UBE3A: variants seen among roughly 807,000 people sequenced by gnomAD.
UBE3A encodes ubiquitin-protein ligase E3A.
A neutral mutation model predicts 83.4 loss-of-function variants in UBE3A; 6 were observed. That is an observed-to-expected ratio of 0.07 (90% confidence interval 0.04 to 0.14). The LOEUF is 0.14. Among genes scored for constraint, UBE3A ranks in the 10% least tolerant of loss-of-function variants. The probability of loss-of-function intolerance (pLI) is 1.00; values close to 1 mark genes in which losing one functional copy is unlikely to be tolerated. For missense variants in UBE3A, 456 were observed against 1,036.1 expected (o/e 0.44, Z 7.69); for synonymous variants, 337 against 355.4 (o/e 0.95, Z 0.58).
intron 1 of UBE3A, among the ~76,000 whole-genome samples, chr15:25,420,190 TAAGA>T (rs1889073274): frequency 6.6e-6 from 1 of 151,988 alleles, no homozygotes; most frequent in African/African-American, 2.4e-5. Context: ...AAATTAATCA[TAAGA>T]AAGGAATGGA....
At chr15:25,406,696 A>T (rs1226504914) in intron 3 of UBE3A, among the ~76,000 whole-genome samples, 2 of 149,794 alleles carry the variant, frequency 1.3e-5, no homozygotes, top group African/African-American at 5.0e-5. Context: ...AGTCACACAC[A>T]CACACACACA....
In UBE3A at chr15:25,371,220, T is replaced by C. The variant is rs1437372349; in HGVS notation, c.954A>G (p.Gln318=). 2.5e-6 allele frequency: 4 copies of C among 1,614,166 alleles called. No homozygotes were observed. The highest frequency in any genetic ancestry group is 3.4e-6 in the Non-Finnish European group (4 of 1,180,018). The change falls in exon 6 of 13, where the codon CAA becomes CAG. Residue 318 remains glutamine (Q), a synonymous_variant. Transcript: ENST00000648336. The surrounding 1 kb of genome is among the most constrained non-coding windows in gnomAD (Gnocchi z 5.3). Reference sequence around the variant, plus strand: ...TAGACCACAGTCTGATCAGTTTTCCTTGGGCTGCAAGGGGTAGCTTGCTCA... The same window carrying C: ...TAGACCACAGTCTGATCAGTTTTCCCTGGGCTGCAAGGGGTAGCTTGCTCA... ...KAMSKLPLAA[Q]GKLIRLWSKY...
At position 25,355,108 on chromosome 15, in the gene UBE3A, TA is replaced by T. The variant is rs560625994; in HGVS notation, c.2125-426del. On this transcript the variant is annotated intron_variant, in intron 9 of 12. Transcript: ENST00000648336. Reference sequence around the variant, plus strand: ...CTTTAGGTTCTCTCAACTAGGTATGTAAACAGACACATTTAAACCATGTATC... The same window carrying T: ...CTTTAGGTTCTCTCAACTAGGTATGTAACAGACACATTTAAACCATGTATC... Among the ~76,000 whole-genome samples, 150 of 152,302 alleles carry T rather than the reference TA, an allele frequency of 9.8e-4. 1 individual carries two copies. Among genetic ancestry groups the T allele is most frequent in the African/African-American group, 3.4e-3 (143 of 41,590 alleles).
At chr15:25,422,996 T>C (rs560715240) in intron 1 of UBE3A, among the ~76,000 whole-genome samples, 1 of 151,998 alleles carries the variant, frequency 6.6e-6, no homozygotes, top group South Asian at 2.1e-4. Context: ...TCTAAAAAGT[T>C]TTTGTAATAT....
chr15:25,398,359 A>G (rs1392793608), intron 4 of UBE3A, among the ~76,000 whole-genome samples: 1 of 152,066 alleles, frequency 6.6e-6, no homozygotes, highest in East Asian at 1.9e-4. Flanking sequence ...TTCCAAAAAT[A>G]CACTGTTATT....
rs572116244 is a variant in UBE3A, at chr15:25,353,748, G to A, written c.2354+605C>T. On this transcript the variant is annotated intron_variant, in intron 11 of 12. Transcript: ENST00000648336. ...TGCCACTTGAACCAGTCTTAGCAGG[G>A]GATGGGGAAGCCTATGTCTTTCAGA... 3.9e-5 allele frequency among the ~76,000 whole-genome samples: 6 copies of A among 152,258 alleles called. No homozygotes were observed. In the East Asian group the frequency reaches 1.2e-3, roughly 29 times the overall value.
At chr15:25,390,855 G>C (rs1305626452) in intron 4 of UBE3A, among the ~76,000 whole-genome samples, 1 of 151,782 alleles carries the variant, frequency 6.6e-6, no homozygotes, top group Non-Finnish European at 1.5e-5. Context: ...CACTGGCTAT[G>C]AGAGAATCCA....
In UBE3A at chr15:25,371,536, T is replaced by C; in HGVS notation, c.638A>G (p.Asp213Gly). ...CAAATTGTTGTCTCCCTGTGAGCTA[T>C]CACCTATCCTTGAGGAAGATGCTTC... ...DSEASSSRIG[D>G]SSQGDNNLQK... Residue 213 changes from aspartate (D) to glycine (G), a missense_variant, in exon 6 of 13, where the codon GAT (aspartate) becomes GGT (glycine). Physicochemically the swap from Asp to Gly is moderately conservative, Grantham distance 94 (BLOSUM62 -1). Around this residue, in one of 13 missense-constraint regions of UBE3A, gnomAD observed 42 missense variants for 41.8 expected, o/e 1.00. Coordinates refer to ENST00000648336, the MANE Select transcript of UBE3A (RefSeq NM_130839.5). This position sits in a 1 kb window ranked among gnomAD's most constrained non-coding sequence, Gnocchi z 5.3. 6.2e-7 allele frequency: 1 copy of C among 1,614,192 alleles called. No homozygotes were observed. The highest frequency in any genetic ancestry group is 1.1e-5 in the South Asian group (1 of 91,088).
At chr15:25,405,955 C>T (rs1370806312) in intron 3 of UBE3A, among the ~76,000 whole-genome samples, 1 of 152,174 alleles carries the variant, frequency 6.6e-6, no homozygotes, top group African/African-American at 2.4e-5. Context: ...AAAGCTTAGG[C>T]CAGCCATGTA....
At chr15:25,407,176 T>C in intron 3 of UBE3A, 2 of 1,343,620 alleles carry the variant, frequency 1.5e-6, no homozygotes, top group Non-Finnish European at 2.0e-6. Flanking sequence ...AGCTGACTCA[T>C]TTTTGAAAGT....
chr15:25,349,061 A>G (rs1003417344), intron 11 of UBE3A, among the ~76,000 whole-genome samples: 3 of 152,264 alleles, frequency 2.0e-5, no homozygotes, highest in African/African-American at 7.2e-5. Context: ...TAACAGTGTC[A>G]TTTTGGCAAA....
At chr15:25,408,434 TGTCAGAATAACAA>T in intron 3 of UBE3A, 1 of 779,082 alleles carries the variant, frequency 1.3e-6, no homozygotes, top group South Asian at 1.7e-5. Flanking sequence ...TCCTAAAGTG[TGTCAGAATAACAA>T]GTCAGAAATT....
At chr15:25,430,031 A>ATATATATATATATATATTTATATGTAT (rs1567190422) in intron 1 of UBE3A, among the ~76,000 whole-genome samples, 1 of 82,416 alleles carries the variant, frequency 1.2e-5, no homozygotes, top group Admixed American at 1.3e-4. Flanking sequence ...AAAAACCTAT[A>ATATATATATATATATATTTATATGTAT]TATATATATA....
At chr15:25,430,854 C>T (rs1228006597) in intron 1 of UBE3A, among the ~76,000 whole-genome samples, 1 of 152,112 alleles carries the variant, frequency 6.6e-6, no homozygotes, top group Non-Finnish European at 1.5e-5. Context: ...TTTTTAAATT[C>T]ACTCCCCCAG....
In UBE3A at chr15:25,370,107, T is replaced by C. The variant is rs761283962; in HGVS notation, c.1608+459A>G. ...GCACTGATCTGCCATGGTCACTTCATCAAGTCCACAATAATGCAACTCTGA... is the reference window on the plus strand; with the variant it reads ...GCACTGATCTGCCATGGTCACTTCACCAAGTCCACAATAATGCAACTCTGA... On this transcript the variant is annotated intron_variant, in intron 6 of 12. Coordinates refer to ENST00000648336, the MANE Select transcript of UBE3A (RefSeq NM_130839.5). The surrounding 1 kb of genome is among the most constrained non-coding windows in gnomAD (Gnocchi z 4.2). Among the ~76,000 whole-genome samples the C allele has an allele frequency of 5.3e-5, 8 of 152,186 alleles. No individual in the cohort carries two copies. Among genetic ancestry groups the C allele is most frequent in the Non-Finnish European group, 8.8e-5 (6 of 68,028 alleles).
At chr15:25,391,853 A>C (rs1305173858) in intron 4 of UBE3A, 2 of 152,304 alleles carry the variant, frequency 1.3e-5, no homozygotes. Flanking sequence ...GCCTGTAGAC[A>C]TGGGAAGCAG....
At chr15:25,347,374 T>G (rs1167986570) in intron 11 of UBE3A, 1 of 152,290 alleles carries the variant, frequency 6.6e-6, no homozygotes, top group Non-Finnish European at 1.5e-5. Flanking sequence ...ATCTATAATG[T>G]GATACCCACA....
intron 9 of UBE3A, among the ~76,000 whole-genome samples, chr15:25,355,388 A>G (rs2077079841): frequency 6.6e-6 from 1 of 152,192 alleles, no homozygotes; most frequent in South Asian, 2.1e-4. Context: ...TCTTAAAGGT[A>G]TACTATATAT....
intron 1 of UBE3A, among the ~76,000 whole-genome samples, chr15:25,435,444 T>C (rs753630559): frequency 3.7e-4 from 56 of 152,264 alleles, no homozygotes; most frequent in Admixed American, 1.4e-3. Context: ...TCTGAATGTG[T>C]CCCCCAAAAT....
Sources: gnomAD v4.1 joint callset for allele counts (sites outside exome capture counted in the v4.1 genomes callset) on GRCh38, gnomAD v4.1.1 for gene constraint, gnomAD v4.1.1 regional missense constraint, Gnocchi (gnomAD v3.1) non-coding constraint, MANE v1.5 for transcripts, NCBI Gene and HGNC (gene_info 2026-07-23, HGNC 2026-07-21) for gene names.